PACRG: variants seen among roughly 807,000 people sequenced by gnomAD.
PACRG encodes the protein parkin coregulated gene protein.
Under a neutral mutation model 29.7 loss-of-function variants are expected in PACRG, and 29 were observed. The observed-to-expected ratio is 0.98, with a 90% confidence interval of 0.73 to 1.33. PACRG has a LOEUF of 1.33. PACRG is among the 40% of genes most tolerant of loss of function. The probability of loss-of-function intolerance (pLI) is 0.00; values close to 1 mark genes in which losing one functional copy is unlikely to be tolerated. For synonymous variants in PACRG, 116 were observed against 118.7 expected (o/e 0.98, Z 0.15); for missense variants, 279 against 316.2 (o/e 0.88, Z 0.89).
At chr6:162,760,414 G>A (rs1160720149) in intron 1 of PACRG, among the ~76,000 whole-genome samples, 2 of 152,212 alleles carry the variant, frequency 1.3e-5, no homozygotes, top group South Asian at 2.1e-4. Context: ...TCAGAGGCAG[G>A]AGTGAGTGTC....
At chr6:163,148,816 C>A (rs1415909367) in intron 4 of PACRG, among the ~76,000 whole-genome samples, 1 of 152,128 alleles carries the variant, frequency 6.6e-6, no homozygotes, top group Admixed American at 6.5e-5. Flanking sequence ...CCTGAACGTG[C>A]TCTGTGCAAT....
chr6:162,983,731 T>C (rs142844249), intron 2 of PACRG, among the ~76,000 whole-genome samples: 1 of 152,230 alleles, frequency 6.6e-6, no homozygotes, highest in East Asian at 1.9e-4. Context: ...GCTTCACAGC[T>C]CTTAAGATTA....
At chr6:162,930,295 A>G (rs1209243814) in intron 2 of PACRG, among the ~76,000 whole-genome samples, 1 of 151,756 alleles carries the variant, frequency 6.6e-6, no homozygotes, top group Non-Finnish European at 1.5e-5. Context: ...TTTCCCTTGT[A>G]TAGATCTTTC....
At chr6:163,177,420 A>G (rs1779417111) in intron 4 of PACRG, among the ~76,000 whole-genome samples, 1 of 152,208 alleles carries the variant, frequency 6.6e-6, no homozygotes, top group Non-Finnish European at 1.5e-5. Flanking sequence ...GAAACCTGGA[A>G]GAGTCTCACA....
At chr6:162,728,686 C>G (rs1189397212) in intron 1 of PACRG, among the ~76,000 whole-genome samples, 2 of 152,156 alleles carry the variant, frequency 1.3e-5, no homozygotes, top group East Asian at 3.9e-4. Flanking sequence ...AAAAAAGATC[C>G]CCTTTACTTA....
intron 3 of PACRG, among the ~76,000 whole-genome samples, chr6:163,088,634 A>G (rs1813813215): frequency 6.6e-6 from 1 of 152,154 alleles, no homozygotes; most frequent in Admixed American, 6.5e-5. Context: ...GTTTCTTTAG[A>G]ACTGTCATAT....
intron 4 of PACRG, among the ~76,000 whole-genome samples, chr6:163,175,200 C>T (rs188833842): frequency 5.9e-5 from 9 of 152,252 alleles, no homozygotes; most frequent in Admixed American, 1.3e-4. Context: ...TACTGCGTTC[C>T]GATCTGCCCT....
At chr6:162,785,915 G>A (rs375370186) in intron 1 of PACRG, among the ~76,000 whole-genome samples, 6 of 152,332 alleles carry the variant, frequency 3.9e-5, no homozygotes, top group South Asian at 2.1e-4. Flanking sequence ...GCCAGGACCC[G>A]TGGAGGACAG....
At chr6:163,139,210 C>T (rs1030371257) in intron 4 of PACRG, among the ~76,000 whole-genome samples, 12 of 152,246 alleles carry the variant, frequency 7.9e-5, no homozygotes, top group African/African-American at 2.9e-4. Context: ...GGCCACACCA[C>T]GCAAGTCCCT....
chr6:163,171,268 GA>G (rs72016054), intron 4 of PACRG, among the ~76,000 whole-genome samples: 18 of 148,994 alleles, frequency 1.2e-4, no homozygotes, highest in South Asian at 6.3e-4. Flanking sequence ...GAAAAGAAAA[GA>G]AAAAAAAAAT....
intron 4 of PACRG, among the ~76,000 whole-genome samples, chr6:163,267,484 AT>A (rs1783574154): frequency 6.6e-6 from 1 of 152,250 alleles, no homozygotes; most frequent in African/African-American, 2.4e-5. Flanking sequence ...TTTCACACCA[AT>A]TCTACAAAAA....
chr6:163,219,241 T>A (rs1197270953), intron 4 of PACRG, among the ~76,000 whole-genome samples: 1 of 152,336 alleles, frequency 6.6e-6, no homozygotes, highest in Admixed American at 6.5e-5. Context: ...TCTCAGCCAA[T>A]GCCACCAGTT....
At chr6:162,911,104 G>A (rs763914238) in intron 2 of PACRG, among the ~76,000 whole-genome samples, 1 of 152,168 alleles carries the variant, frequency 6.6e-6, no homozygotes, top group East Asian at 1.9e-4. Flanking sequence ...CATCTGCATC[G>A]ATATCAATTT....
chr6:162,896,685 A>T (rs938420488), intron 2 of PACRG, among the ~76,000 whole-genome samples: 1 of 152,208 alleles, frequency 6.6e-6, no homozygotes, highest in South Asian at 2.1e-4. Context: ...CATGTATCAG[A>T]ATTTTTTCCT....
intron 2 of PACRG, among the ~76,000 whole-genome samples, chr6:163,046,321 C>T (rs759442391): frequency 1.7e-4 from 25 of 151,176 alleles, no homozygotes; most frequent in Non-Finnish European, 2.9e-4. Flanking sequence ...CTTTTTTCCA[C>T]GTAGCCTTGG....
At chr6:162,744,554 C>G (rs1780842733) in intron 1 of PACRG, among the ~76,000 whole-genome samples, 1 of 152,180 alleles carries the variant, frequency 6.6e-6, no homozygotes, top group Non-Finnish European at 1.5e-5. Context: ...GTGATCATCA[C>G]TGCACTCCAG....
chr6:162,961,480 C>T (rs1324333153), intron 2 of PACRG, among the ~76,000 whole-genome samples: 1 of 152,174 alleles, frequency 6.6e-6, no homozygotes, highest in African/African-American at 2.4e-5. Flanking sequence ...GATCCATCTC[C>T]TCCTGCATCA....
intron 4 of PACRG, among the ~76,000 whole-genome samples, chr6:163,155,673 A>T (rs548066039): frequency 6.6e-6 from 1 of 152,330 alleles, no homozygotes; most frequent in Non-Finnish European, 1.5e-5. Flanking sequence ...TCTGATCTGT[A>T]CCTTTAAAAA....
intron 4 of PACRG, among the ~76,000 whole-genome samples, chr6:163,164,918 T>C (rs1424652149): frequency 6.6e-6 from 1 of 152,206 alleles, no homozygotes; most frequent in Non-Finnish European, 1.5e-5. Context: ...GCTCAGGGTA[T>C]GTATGTATGT....
Sources: gnomAD v4.1 joint callset for allele counts (sites outside exome capture counted in the v4.1 genomes callset) on GRCh38, gnomAD v4.1.1 for gene constraint, MANE v1.5 for transcripts, NCBI Gene and HGNC (gene_info 2026-07-23, HGNC 2026-07-21) for gene names.